The following CLIP2 variants were observed in gnomAD, a reference collection of about 807,000 sequenced individuals.
CLIP2 encodes the protein CAP-Gly domain containing linker protein 2.
A neutral mutation model predicts 111.7 loss-of-function variants in CLIP2; 41 were observed. The ratio of observed to expected loss-of-function variants is 0.37; its 90% CI spans 0.29 to 0.48. CLIP2 has a LOEUF of 0.48. Ranked by LOEUF, CLIP2 falls within the 20% of genes least tolerant of loss-of-function variation. CLIP2 has a pLI of 0.99. For missense variants in CLIP2, 1,160 were observed against 1,422.1 expected (o/e 0.82, Z 2.96); for synonymous variants, 660 against 644.2 (o/e 1.02, Z -0.37).
At position 74,395,523 on chromosome 7, in the gene CLIP2, C is replaced by T. The variant is rs368992370; in HGVS notation, c.2721-1551C>T. 7.2e-5 allele frequency among the ~76,000 whole-genome samples: 11 copies of T among 152,216 alleles called. No individual in the cohort carries two copies. The South Asian group carries it at 2.1e-3, about 29-fold the overall frequency. ...GCCAGGCTGGTCTCAAACTCCTGAC[C>T]TCAGGTGATCTGTCCTCCTCAGCCT... On this transcript the variant is annotated intron_variant, in intron 13 of 16. Transcript: ENST00000223398.
intron 11 of CLIP2, chr7:74,381,588 T>C (rs1554313931): frequency 2.2e-6 from 1 of 456,088 alleles, no homozygotes; most frequent in Non-Finnish European, 4.4e-6. Flanking sequence ...GAAGGCGCAG[T>C]GTTAGCTTCT....
At position 74,339,425 on chromosome 7, in the gene CLIP2, C is replaced by A. The variant is rs193067100; in HGVS notation, c.678+421C>A. On this transcript the variant is annotated intron_variant, in intron 3 of 16. Transcript: ENST00000223398. ...GGTTCAAGCAATTCTCCTGTCTCAC[C>A]CTCCCTAGTAGCTGGGATTACAGGC... Among the ~76,000 whole-genome samples the A allele has an allele frequency of 2.5e-3, 384 of 152,134 alleles. 3 individuals carry two copies. The East Asian group carries it at 0.04, about 16-fold the overall frequency.
chr7:74,389,588 T>TAAA (rs149173666), intron 13 of CLIP2, among the ~76,000 whole-genome samples: 40 of 104,646 alleles, frequency 3.8e-4, no homozygotes, highest in African/African-American at 1.2e-3. Flanking sequence ...CCCCTATCTC[T>TAAA]AAAAAAAAAA....
intron 1 of CLIP2, among the ~76,000 whole-genome samples, chr7:74,308,034 C>A (rs1462599326): frequency 1.3e-5 from 2 of 152,076 alleles, no homozygotes; most frequent in South Asian, 4.1e-4. Context: ...GGTGGCATGA[C>A]GAAGACAGAC....
intron 13 of CLIP2, among the ~76,000 whole-genome samples, chr7:74,396,151 T>C (rs1791441802): frequency 6.6e-6 from 1 of 152,212 alleles, no homozygotes; most frequent in Non-Finnish European, 1.5e-5. Context: ...CTGCACTGTT[T>C]CCTGCAGACC....
chr7:74,330,618 AC>A (rs1789252883), intron 2 of CLIP2, among the ~76,000 whole-genome samples: 1 of 152,122 alleles, frequency 6.6e-6, no homozygotes, highest in African/African-American at 2.4e-5. Context: ...CCCCCAGGCC[AC>A]CATGCCCTGT....
intron 3 of CLIP2, among the ~76,000 whole-genome samples, chr7:74,343,143 G>A (rs1383740318): frequency 6.6e-6 from 1 of 151,580 alleles, no homozygotes; most frequent in African/African-American, 2.4e-5. Context: ...AGCTGAGATG[G>A]TGCGGCTCCA....
At chr7:74,359,390 G>C (rs1790250404) in intron 6 of CLIP2, among the ~76,000 whole-genome samples, 1 of 129,730 alleles carries the variant, frequency 7.7e-6, no homozygotes, top group Non-Finnish European at 1.5e-5. Flanking sequence ...GTCTCGCTCT[G>C]TCGCCCAGGC....
rs1372864408 is a variant in CLIP2 at position 74,298,673 on chromosome 7, C to T, written c.-68+8939C>T. On this transcript the variant is annotated intron_variant, in intron 1 of 16. Coordinates refer to ENST00000223398, the MANE Select transcript of CLIP2 (RefSeq NM_003388.5). Reference sequence around the variant, plus strand: ...TCAGCCTCCCAAGTAGCTGGGACTACAGGCACGTGCCACCACACCCAGCTA... The same window carrying T: ...TCAGCCTCCCAAGTAGCTGGGACTATAGGCACGTGCCACCACACCCAGCTA... 2.0e-5 allele frequency among the ~76,000 whole-genome samples: 3 copies of T among 152,062 alleles called. No homozygotes were observed. The East Asian group carries it at 5.8e-4, about 29-fold the overall frequency.
intron 2 of CLIP2, among the ~76,000 whole-genome samples, chr7:74,322,918 A>G (rs1433118631): frequency 6.6e-6 from 1 of 151,804 alleles, no homozygotes. Context: ...TTTAATAGAG[A>G]TGGGGTTTCA....
intron 13 of CLIP2, among the ~76,000 whole-genome samples, chr7:74,395,492 A>T (rs1055764848): frequency 6.6e-6 from 1 of 151,846 alleles, no homozygotes; most frequent in African/African-American, 2.4e-5. Context: ...GGGTTTTGCT[A>T]TGTTGGCCAG....
At chr7:74,304,938 CT>C (rs1272970621) in intron 1 of CLIP2, among the ~76,000 whole-genome samples, 1 of 152,070 alleles carries the variant, frequency 6.6e-6, no homozygotes, top group Admixed American at 6.6e-5. Flanking sequence ...GAGGGAGACC[CT>C]GTCTCCAAAA....
chr7:74,390,989 C>T (rs1791280402), intron 13 of CLIP2, among the ~76,000 whole-genome samples: 1 of 151,848 alleles, frequency 6.6e-6, no homozygotes. Flanking sequence ...GCGGAGGTTG[C>T]AGTGAGCCGA....
At chr7:74,377,621 G>A (rs1388260984) in intron 10 of CLIP2, among the ~76,000 whole-genome samples, 1 of 152,134 alleles carries the variant, frequency 6.6e-6, no homozygotes, top group Non-Finnish European at 1.5e-5. Context: ...GATTGATACT[G>A]GCTCCATTTC....
At chr7:74,296,201 G>GA (rs1397626663) in intron 1 of CLIP2, among the ~76,000 whole-genome samples, 3 of 151,822 alleles carry the variant, frequency 2.0e-5, no homozygotes, top group Admixed American at 6.6e-5. Context: ...AGAGGCCTCC[G>GA]AAAAAAACAA....
chr7:74,381,075 T>TC, intron 11 of CLIP2: 1 of 410,308 alleles, frequency 2.4e-6, no homozygotes, highest in Non-Finnish European at 4.4e-6. Flanking sequence ...GTCTTTTTTT[T>TC]CTTTTTCTTT....
chr7:74,303,583 TTG>T (rs797040793), intron 1 of CLIP2, among the ~76,000 whole-genome samples: 19 of 150,976 alleles, frequency 1.3e-4, no homozygotes, highest in African/African-American at 4.6e-4. Context: ...CTCCCTCCCC[TTG>T]TGTCTCTTAT....
Position 74,317,583 on chromosome 7 carries a change from G to A in CLIP2, c.37G>A (p.Gly13Arg). The change falls in exon 2 of 17, where the codon GGG (glycine) becomes AGG (arginine). Residue 13 changes from glycine (G) to arginine (R), a missense_variant. Around this residue, in one of 5 missense-constraint regions of CLIP2, gnomAD observed 301 missense variants for 315.2 expected, o/e 0.96. Transcript: ENST00000223398. ...CAGCGGCCTGAAGCCCCCCGGCCGT[G>A]GGGGGAAGCACTCCAGCCCCATGGG... ...KPSGLKPPGR[G>R]GKHSSPMGRT... The A allele has an allele frequency of 2.7e-6, 4 of 1,496,274 alleles. No homozygotes were observed. The highest frequency in any genetic ancestry group is 2.7e-6 in the Non-Finnish European group (3 of 1,116,524). 92.7% of individuals were successfully genotyped at this position (1,496,274 alleles called of 1,614,324 possible).
intron 2 of CLIP2, among the ~76,000 whole-genome samples, chr7:74,328,304 A>C (rs1339040047): frequency 6.6e-6 from 1 of 152,128 alleles, no homozygotes; most frequent in Non-Finnish European, 1.5e-5. Flanking sequence ...GCCTTTGAGC[A>C]CCTTCGGGAG....
Sources: allele counts gnomAD v4.1 joint callset (sites outside exome capture counted in the v4.1 genomes callset), GRCh38; gene constraint gnomAD v4.1.1; regional missense constraint gnomAD v4.1.1; transcripts MANE v1.5; gene names NCBI Gene and HGNC (gene_info 2026-07-23, HGNC 2026-07-21).